TP53BP2: variants seen among roughly 807,000 people sequenced by gnomAD.
The protein encoded by TP53BP2 is apoptosis-stimulating of p53 protein 2.
In TP53BP2, 62 loss-of-function variants were observed where a neutral mutation model predicts 126.2. That is an observed-to-expected ratio of 0.49 (90% CI 0.40 to 0.61). The LOEUF is 0.61. Among genes scored for constraint, TP53BP2 ranks in the 20% least tolerant of loss-of-function variants. The pLI is 0.00. For synonymous variants in TP53BP2, 485 were observed against 502.9 expected, an observed-to-expected ratio of 0.96 and a Z score of 0.48; for missense variants, 1,215 against 1,402.8, an observed-to-expected ratio of 0.87 and a Z score of 2.14.
At chr1:223,831,631 A>C (rs1040247076) in intron 1 of TP53BP2, among the ~76,000 whole-genome samples, 2 of 150,144 alleles carry the variant, frequency 1.3e-5, no homozygotes, top group African/African-American at 2.4e-5. Context: ...GTATAATTTA[A>C]AAGTATAGTT....
At chr1:223,836,841 A>G (rs1663938916) in intron 1 of TP53BP2, among the ~76,000 whole-genome samples, 1 of 152,132 alleles carries the variant, frequency 6.6e-6, no homozygotes, top group Non-Finnish European at 1.5e-5. Context: ...AAGCAGCAGG[A>G]TGAAAGCCCA....
At position 223,795,857 on chromosome 1, in the gene TP53BP2, G is replaced by C; in HGVS notation, c.2682C>G (p.Ser894Arg). 6.3e-7 allele frequency: 1 copy of C among 1,583,250 alleles called. No individual in the cohort carries two copies. The highest frequency in any genetic ancestry group is 8.6e-7 in the Non-Finnish European group (1 of 1,165,776). Residue 894 changes from serine (S) to arginine (R), a missense_variant, in exon 13 of 18, where the codon AGC (serine) becomes AGG (arginine). Transcript: ENST00000343537. ...EPEGPGEDSV[S>R]MRPPEITGQV... is the part of the protein sequence containing the mutation. ...GCCCGGTGATTTCAGGCGGGCGCAT[G>C]CTCACCGAGTCTTCTCCGGGCCCTT...
chr1:223,838,793 A>G (rs1394748196), intron 1 of TP53BP2, among the ~76,000 whole-genome samples: 13 of 152,132 alleles, frequency 8.5e-5, no homozygotes. Context: ...CCTCATACAA[A>G]AGCTAATTAT....
chr1:223,841,257 A>AAATAAATAAATAAAT (rs1336448204), intron 1 of TP53BP2, among the ~76,000 whole-genome samples: 1 of 151,800 alleles, frequency 6.6e-6, no homozygotes, highest in African/African-American at 2.4e-5. Flanking sequence ...AGAAATAAAT[A>AAATAAATAAATAAAT]AATAAATAAA....
rs1440297278 is a variant in TP53BP2, at chr1:223,845,824, G to A, written c.-144C>T. On this transcript the variant is annotated 5_prime_UTR_variant, in exon 1 of 18. Coordinates refer to ENST00000343537, the MANE Select transcript of TP53BP2 (RefSeq NM_001031685.3). Reference sequence around the variant, plus strand: ...GCAGCGGCGGCGCGCGGGTCCGAAGGGCCCTCCGCGCGGGCTGGGGCACCA... The same window carrying A: ...GCAGCGGCGGCGCGCGGGTCCGAAGAGCCCTCCGCGCGGGCTGGGGCACCA... The A allele has an allele frequency of 3.1e-5, 21 of 670,968 alleles. No homozygotes were observed. The highest frequency in any genetic ancestry group is 4.1e-5 in the Non-Finnish European group (20 of 485,940). The allele number at this position is 670,968 out of a possible 1,614,324, so 41.6% of individuals were successfully genotyped here.
intron 1 of TP53BP2, among the ~76,000 whole-genome samples, chr1:223,831,474 AAAAAAAATATATATATATATATATATAT>A (rs1194296878): frequency 5.5e-5 from 4 of 72,210 alleles, no homozygotes; most frequent in South Asian, 4.4e-4. Context: ...TCTAAAAAAA[AAAAAAAATATATATATATATATATATAT>A]ATATATATAT....
At chr1:223,837,163 G>GA (rs1553264324) in intron 1 of TP53BP2, among the ~76,000 whole-genome samples, 18 of 124,918 alleles carry the variant, frequency 1.4e-4, no homozygotes, top group African/African-American at 4.7e-4. Context: ...AAAGGGGGGG[G>GA]GCGGGGGGTC....
intron 15 of TP53BP2, 150 bp from the exon 16 acceptor site, chr1:223,789,324 A>C: frequency 2.4e-6 from 2 of 833,112 alleles, no homozygotes; most frequent in Non-Finnish European, 3.7e-6. Context: ...CCAGTTCAAC[A>C]CAGATGATTG....
In TP53BP2 at chr1:223,796,511, C is replaced by A. The variant is rs376487016; in HGVS notation, c.2028G>T (p.Lys676Asn). The change falls in exon 13 of 18, where the codon AAG becomes AAT. Residue 676 changes from lysine to asparagine, a missense_variant. By Grantham distance (94) the Lys-to-Asn change is moderately conservative. Coordinates refer to ENST00000343537, the MANE Select transcript of TP53BP2 (RefSeq NM_001031685.3). The surrounding 1 kb of genome is among the most constrained non-coding windows in gnomAD (Gnocchi z 4.2). ...CTGTTTCAGGTTCTGGACTGCCAGGCTTGCCCTGGCTATTGGAATAAATGT... is the reference window on the plus strand; with the variant it reads ...CTGTTTCAGGTTCTGGACTGCCAGGATTGCCCTGGCTATTGGAATAAATGT... Reference protein sequence around the residue: ...PENIYSNSQGKPGSPEPETEP... With the variant: ...PENIYSNSQGNPGSPEPETEP... 1 of 1,614,066 alleles carries A rather than the reference C, an allele frequency of 6.2e-7. No individual in the cohort carries two copies. Among genetic ancestry groups the A allele is most frequent in the South Asian group, 1.1e-5 (1 of 91,074 alleles).
At position 223,794,055 on chromosome 1, in the gene TP53BP2, G is replaced by A. The variant is rs115967863; in HGVS notation, c.2725-615C>T. 6.0e-3 allele frequency among the ~76,000 whole-genome samples: 919 copies of A among 152,070 alleles called. 9 individuals carry two copies. The highest frequency in any genetic ancestry group is 0.021 in the African/African-American group (871 of 41,448). ...CCATTTCACACCAGAATGCCTCCTC[G>A]GGGGAAAGCATATAATTAAGGTAAA... On this transcript the variant is annotated intron_variant, in intron 13 of 17. Coordinates refer to ENST00000343537, the MANE Select transcript of TP53BP2 (RefSeq NM_001031685.3).
chr1:223,803,093 T>C, intron 7 of TP53BP2, 178 bp downstream of exon 7: 1 of 927,606 alleles, frequency 1.1e-6, no homozygotes, highest in South Asian at 1.7e-5. Flanking sequence ...ATGTCTCAAA[T>C]TTCCTGTCTA....
chr1:223,789,190 C>A lies in TP53BP2; in HGVS notation c.2997-16G>T. On this transcript the variant is annotated splice_polypyrimidine_tract_variant and intron_variant, in intron 15 of 17. Coordinates refer to ENST00000343537, the MANE Select transcript of TP53BP2 (RefSeq NM_001031685.3). ...TAATGGAGTCCTGTGAAGCAAGATA[C>A]GAGGGCTAGAACTGTTTTCCTAAAC... is the stretch of plus-strand genomic sequence containing the variant. 2 of 1,613,814 alleles carry A rather than the reference C, an allele frequency of 1.2e-6. No individual in the cohort carries two copies. Among genetic ancestry groups the A allele is most frequent in the Non-Finnish European group, 1.7e-6 (2 of 1,179,802 alleles).
intron 1 of TP53BP2, among the ~76,000 whole-genome samples, chr1:223,835,967 C>T (rs1663909068): frequency 6.6e-6 from 1 of 152,060 alleles, no homozygotes; most frequent in African/African-American, 2.4e-5. Flanking sequence ...AAAAGAAGTA[C>T]TATTAAGCTA....
chr1:223,799,474 G>A (rs556128764), intron 11 of TP53BP2, among the ~76,000 whole-genome samples: 3 of 152,222 alleles, frequency 2.0e-5, no homozygotes, highest in South Asian at 4.1e-4. Flanking sequence ...CTTGTTCACT[G>A]GAATTTCATG....
intron 1 of TP53BP2, chr1:223,845,165 G>C (rs901411135): frequency 1.2e-6 from 1 of 821,116 alleles, no homozygotes; most frequent in African/African-American, 1.9e-5. Flanking sequence ...TTTCCACAAA[G>C]AGGTAAGGGT....
At chr1:223,830,720 C>G (rs974679341) in intron 1 of TP53BP2, among the ~76,000 whole-genome samples, 1 of 152,120 alleles carries the variant, frequency 6.6e-6, no homozygotes, top group Non-Finnish European at 1.5e-5. Context: ...GCCACCAACT[C>G]CTGTAAGTAT....
intron 1 of TP53BP2, among the ~76,000 whole-genome samples, chr1:223,831,467 A>T (rs1663709185): frequency 4.4e-5 from 1 of 22,884 alleles, no homozygotes; most frequent in African/African-American, 1.8e-4. Flanking sequence ...TGTACCATCT[A>T]AAAAAAAAAA....
intron 6 of TP53BP2, among the ~76,000 whole-genome samples, 172 bp downstream of exon 6, chr1:223,804,002 G>T (rs1020785763): frequency 3.9e-5 from 6 of 152,094 alleles, no homozygotes; most frequent in African/African-American, 1.4e-4. Flanking sequence ...GTTATCTACA[G>T]ATCAACCATG....
At chr1:223,807,565 TA>T (rs1662766871) in intron 4 of TP53BP2, among the ~76,000 whole-genome samples, 1 of 150,584 alleles carries the variant, frequency 6.6e-6, no homozygotes, top group Non-Finnish European at 1.5e-5. Context: ...CTATGGAATC[TA>T]CAAAAAAGCT....
Sources: allele counts gnomAD v4.1 joint callset (sites outside exome capture counted in the v4.1 genomes callset), GRCh38; gene constraint gnomAD v4.1.1; non-coding constraint Gnocchi (gnomAD v3.1); transcripts MANE v1.5; gene names NCBI Gene and HGNC (gene_info 2026-07-23, HGNC 2026-07-21).